The following ARHGAP9 variants were observed in gnomAD, a reference collection of about 807,000 sequenced individuals.
ARHGAP9 encodes rho GTPase-activating protein 9.
Under a neutral mutation model 87.3 loss-of-function variants are expected in ARHGAP9, and 76 were observed. The observed-to-expected ratio is 0.87, with a 90% CI of 0.72 to 1.05. The LOEUF (loss-of-function observed/expected upper bound fraction) is 1.05. Among genes scored for constraint, ARHGAP9 ranks in the 50% least tolerant of loss-of-function variants. The pLI, the probability that ARHGAP9 is intolerant of heterozygous loss-of-function variation, is 0.00. For synonymous variants in ARHGAP9, 382 were observed against 394.9 expected (o/e 0.97, Z 0.39); for missense variants, 941 against 960.5 (o/e 0.98, Z 0.27).
intron 3 of ARHGAP9, chr12:57,477,970 G>C (rs1284655484): frequency 2.4e-6 from 3 of 1,232,974 alleles, no homozygotes; most frequent in Non-Finnish European, 3.1e-6. Flanking sequence ...CTTTTTGTGG[G>C]GTGGGGGGAA....
chr12:57,473,733 T>C (rs530777924), intron 16 of ARHGAP9, 25 bp from the exon 17 acceptor site: 95 of 1,599,100 alleles, frequency 5.9e-5, no homozygotes, highest in South Asian at 7.7e-5. Context: ...GGGAAAGGCA[T>C]GGTAGTAAGG....
rs753047519 is a variant in ARHGAP9, at chr12:57,476,411, G to T, written c.1069C>A (p.Leu357Met). Residue 357 changes from leucine (L) to methionine (M), a missense_variant, in exon 8 of 18, where the codon CTG becomes ATG. Leu to Met is a conservative substitution (Grantham distance 15, BLOSUM62 2). Coordinates refer to ENST00000393791, the MANE Select transcript of ARHGAP9 (RefSeq NM_032496.4). ...GGCGGTGGCTCTCGGTAGAACACCAGGCTGTTACCCGTTAACACCACCCAA... is the reference window on the plus strand; with the variant it reads ...GGCGGTGGCTCTCGGTAGAACACCATGCTGTTACCCGTTAACACCACCCAA... ...PSWVVLTGNS[L>M]VFYREPPPTA... The T allele has an allele frequency of 1.2e-6, 2 of 1,613,964 alleles. No homozygotes were observed. The highest frequency in any genetic ancestry group is 3.3e-5 in the Admixed American group (2 of 60,004).
chr12:57,487,888 C>T, intron 1 of ARHGAP9: 1 of 562,220 alleles, frequency 1.8e-6, no homozygotes, highest in Non-Finnish European at 3.2e-6. Flanking sequence ...CAGTCTAGCC[C>T]GCATCTGCGG....
intron 12 of ARHGAP9, 108 bp from the exon 13 acceptor site, chr12:57,475,081 G>A: frequency 7.9e-7 from 1 of 1,266,628 alleles, no homozygotes; most frequent in Non-Finnish European, 1.1e-6. Context: ...GGCTGCCTGT[G>A]CCAGGCCTGG....
chr12:57,485,570 A>AC (rs1345843822), intron 1 of ARHGAP9, among the ~76,000 whole-genome samples: 1 of 149,838 alleles, frequency 6.7e-6, no homozygotes, highest in East Asian at 2.0e-4. Context: ...AAAAAAAAAA[A>AC]CAAAAAAACT....
In ARHGAP9 at chr12:57,479,427, G is replaced by C. The variant is rs762281729; in HGVS notation, c.-18-3C>G. 1 of 1,603,686 alleles carries C rather than the reference G, an allele frequency of 6.2e-7. No individual in the cohort carries two copies. The highest frequency in any genetic ancestry group is 1.7e-5 in the Admixed American group (1 of 58,160). ...AGCATTGTAGCCAGCACTGTCACCT[G>C]TGAGAAAAAGGGACACTGGAGACCC... On this transcript the variant is annotated splice_polypyrimidine_tract_variant and splice_region_variant and intron_variant, in intron 1 of 17. Transcript: ENST00000393791.
intron 1 of ARHGAP9, among the ~76,000 whole-genome samples, chr12:57,485,556 G>GGAA (rs1875333952): frequency 7.5e-6 from 1 of 132,496 alleles, no homozygotes. Flanking sequence ...GACTCCATCT[G>GGAA]AAAAAAAAAA....
At position 57,476,173 on chromosome 12, in the gene ARHGAP9, A is replaced by G. The variant is rs961379775; in HGVS notation, c.1117-7T>C. 4 of 1,535,580 alleles carry G rather than the reference A, an allele frequency of 2.6e-6. No individual in the cohort carries two copies. Among genetic ancestry groups the G allele is most frequent in the East Asian group, 2.5e-5 (1 of 40,720 alleles). ...GCCGGCTACCCGCTGGTCCCTGACAATGAGGGAGGAAACTGAGGCCACGGT... is the reference window on the plus strand; with the variant it reads ...GCCGGCTACCCGCTGGTCCCTGACAGTGAGGGAGGAAACTGAGGCCACGGT... On this transcript the variant is annotated splice_polypyrimidine_tract_variant and splice_region_variant and intron_variant, in intron 8 of 17. Coordinates refer to ENST00000393791, the MANE Select transcript of ARHGAP9 (RefSeq NM_032496.4).
At chr12:57,480,880 C>G, upstream of ARHGAP9, 3 of 1,520,662 alleles carry the variant, frequency 2.0e-6, no homozygotes, top group Non-Finnish European at 2.7e-6. Flanking sequence ...TGACCCTCCC[C>G]ACTGGTGATA....
In ARHGAP9 at chr12:57,476,633, G is replaced by A. The variant is rs143196937; in HGVS notation, c.982C>T (p.Leu328=). Residue 328 remains leucine, a synonymous_variant, in exon 7 of 18, where the codon CTG becomes TTG. Coordinates refer to ENST00000393791, the MANE Select transcript of ARHGAP9 (RefSeq NM_032496.4). ...DDPHEVEKSG[L]LNMTKIAQGG... ...TGGGCAATCTTGGTCATGTTGAGCA[G>A]ACCCGACTTTTCCACCTCCTGGGAA... The A allele has an allele frequency of 1.2e-5, 19 of 1,613,884 alleles. No homozygotes were observed. In the African/African-American group the frequency reaches 2.0e-4, roughly 17 times the overall value.
Position 57,475,293 on chromosome 12 carries a change from C to A in ARHGAP9, c.1550G>T (p.Arg517Leu), listed in dbSNP as rs1187880216. 6.3e-7 allele frequency: 1 copy of A among 1,587,642 alleles called. No individual in the cohort carries two copies. Among genetic ancestry groups the A allele is most frequent in the South Asian group, 1.1e-5 (1 of 87,444 alleles). Residue 517 changes from arginine (R) to leucine (L), a missense_variant and splice_region_variant, in exon 12 of 18, where the codon CGA (arginine) becomes CTA (leucine). By Grantham distance (102) the Arg-to-Leu change is moderately radical (BLOSUM62 -2). Transcript: ENST00000393791. ...TGAACCTGGCCCAGCCCCCTCACCT[C>A]GGAGCAGACCCCGCTCCTGCAGGCT... ...LQSLQERGLL[R>L]DQVFGCQLES... is the part of the protein sequence containing the mutation.
At chr12:57,474,783 G>C in intron 13 of ARHGAP9, 80 bp from the exon 14 acceptor site, 1 of 1,605,856 alleles carries the variant, frequency 6.2e-7, no homozygotes, top group South Asian at 1.1e-5. Flanking sequence ...GAGAGAAAAA[G>C]GGCAGTAGGA....
intron 3 of ARHGAP9, chr12:57,478,280 C>T (rs548356359): frequency 1.7e-5 from 8 of 480,598 alleles, no homozygotes; most frequent in Non-Finnish European, 2.3e-5. Flanking sequence ...CTTCTCACCT[C>T]CTACCCAGTT....
At position 57,476,624 on chromosome 12, in the gene ARHGAP9, T is replaced by A; in HGVS notation, c.991A>T (p.Met331Leu). Residue 331 changes from methionine (M) to leucine (L), a missense_variant, in exon 7 of 18, where the codon ATG becomes TTG. By Grantham distance (15) the Met-to-Leu change is conservative (BLOSUM62 2). Transcript: ENST00000393791. ...CGCCCCCCTTGGGCAATCTTGGTCA[T>A]GTTGAGCAGACCCGACTTTTCCACC... ...HEVEKSGLLN[M>L]TKIAQGGRKL... The A allele has an allele frequency of 6.2e-7, 1 of 1,614,076 alleles. No homozygotes were observed. Among genetic ancestry groups the A allele is most frequent in the Non-Finnish European group, 8.5e-7 (1 of 1,179,990 alleles).
chr12:57,481,555 T>C (rs1190549965), upstream of ARHGAP9, among the ~76,000 whole-genome samples: 1 of 151,572 alleles, frequency 6.6e-6, no homozygotes, highest in Non-Finnish European at 1.5e-5. Flanking sequence ...CCAGCCTCTC[T>C]CTTTCTTTTT....
At chr12:57,480,919 G>C (rs1316609601), upstream of ARHGAP9, 6 of 1,347,880 alleles carry the variant, frequency 4.5e-6, 1 homozygote, top group African/African-American at 2.9e-5. Context: ...TCCCCTGAGG[G>C]CTGGGTGGCT....
At chr12:57,484,432 A>G (rs915325442), upstream of ARHGAP9, among the ~76,000 whole-genome samples, 5 of 151,888 alleles carry the variant, frequency 3.3e-5, no homozygotes, top group South Asian at 4.2e-4. Context: ...CTCCTCTATC[A>G]TAACTTTAAT....
chr12:57,478,499 G>T, intron 3 of ARHGAP9, 41 bp downstream of exon 3: 1 of 1,599,722 alleles, frequency 6.3e-7, no homozygotes. Context: ...TGTCTGTCCT[G>T]TGCCTAGAAC....
At chr12:57,483,404 T>A (rs766558965), upstream of ARHGAP9, among the ~76,000 whole-genome samples, 3 of 152,140 alleles carry the variant, frequency 2.0e-5, no homozygotes, top group Non-Finnish European at 2.9e-5. Flanking sequence ...TGCATATAGT[T>A]CTCATTGCAT....
Sources: allele counts gnomAD v4.1 joint callset (sites outside exome capture counted in the v4.1 genomes callset), GRCh38; gene constraint gnomAD v4.1.1; transcripts MANE v1.5; gene names NCBI Gene and HGNC (gene_info 2026-07-23, HGNC 2026-07-21).